The following SPATA31H1 variants were observed in gnomAD, a reference collection of about 807,000 sequenced individuals.
SPATA31H1 encodes the protein spermatogenesis-associated protein 31H1.
At chr2:27,553,923 A>C in the SPATA31H1 span, among the ~76,000 whole-genome samples, 1 of 149,830 alleles carries the variant, frequency 6.7e-6, no homozygotes, top group Non-Finnish European at 1.5e-5. Context: ...ACTCTGTCTC[A>C]AAAAAAAAGA....
the SPATA31H1 span, among the ~76,000 whole-genome samples, chr2:27,555,489 C>G: frequency 6.6e-6 from 1 of 151,560 alleles, no homozygotes; most frequent in African/African-American, 2.4e-5. Context: ...ATGGGAAACA[C>G]AGTAAGATCC....
At chr2:27,572,175 T>G in the SPATA31H1 span, 4,359 of 398,070 alleles carry the variant, frequency 0.011, 182 homozygotes, top group African/African-American at 0.082. Flanking sequence ...AGCTAAAGAG[T>G]TCAAACATGA....
chr2:27,566,795 C>T, the SPATA31H1 span: 1 of 717,790 alleles, frequency 1.4e-6, no homozygotes, highest in Non-Finnish European at 2.6e-6. Context: ...CCTCTACCAC[C>T]TCTGTTCTTG....
the SPATA31H1 span, chr2:27,571,837 A>C: frequency 2.5e-6 from 1 of 398,404 alleles, no homozygotes; most frequent in African/African-American, 2.1e-5. Flanking sequence ...CAGGCAGTAA[A>C]ATTTGTGAAT....
At chr2:27,577,997 G>A in the SPATA31H1 span, 1 of 1,614,120 alleles carries the variant, frequency 6.2e-7, no homozygotes, top group African/African-American at 1.3e-5. This position sits in a 1 kb window ranked among gnomAD's most constrained non-coding sequence, Gnocchi z 4.5. Context: ...TAGAATTTAT[G>A]AGGATTAGTC....
chr2:27,578,921 C>T, the SPATA31H1 span: 3 of 1,613,934 alleles, frequency 1.9e-6, no homozygotes, highest in Non-Finnish European at 1.7e-6. Flanking sequence ...CCTATATAGA[C>T]CCTACTATGA....
the SPATA31H1 span, chr2:27,565,244 A>G: frequency 1.5e-6 from 1 of 673,258 alleles, no homozygotes; most frequent in South Asian, 1.7e-5. Context: ...AGATGTATCA[A>G]TATCTGATAT....
At chr2:27,577,638 C>T in the SPATA31H1 span, 13 of 1,614,110 alleles carry the variant, frequency 8.1e-6, 1 homozygote, top group South Asian at 5.5e-5. The surrounding 1 kb of genome is among the most constrained non-coding windows in gnomAD (Gnocchi z 4.5). Context: ...TGGGTTAGGA[C>T]ATCGAGTTCC....
At chr2:27,574,579 G>A in the SPATA31H1 span, 2 of 398,328 alleles carry the variant, frequency 5.0e-6, no homozygotes, top group Non-Finnish European at 8.9e-6. Flanking sequence ...TCAGGGACAA[G>A]GCTTCAAAGT....
chr2:27,538,580 C>T, the SPATA31H1 span, among the ~76,000 whole-genome samples: 1 of 151,822 alleles, frequency 6.6e-6, no homozygotes, highest in Non-Finnish European at 1.5e-5. Context: ...GCCTGTAATC[C>T]CAGCACTTTG....
the SPATA31H1 span, among the ~76,000 whole-genome samples, chr2:27,564,431 A>G: frequency 6.6e-6 from 1 of 152,156 alleles, no homozygotes; most frequent in Non-Finnish European, 1.5e-5. Flanking sequence ...GAAGTATCAG[A>G]TGATTTTCTA....
the SPATA31H1 span, chr2:27,579,947 C>A: frequency 1.2e-6 from 2 of 1,614,186 alleles, no homozygotes; most frequent in Non-Finnish European, 1.7e-6. Context: ...TACAGTGTGG[C>A]CGATGTTCAG....
At chr2:27,580,486 C>A in the SPATA31H1 span, 12 of 1,614,014 alleles carry the variant, frequency 7.4e-6, no homozygotes, top group Admixed American at 1.7e-5. Context: ...AAGTTCTACA[C>A]AAACAGTAGA....
At chr2:27,578,761 G>C in the SPATA31H1 span, 6 of 1,613,968 alleles carry the variant, frequency 3.7e-6, 1 homozygote, top group Middle Eastern at 6.6e-4. Flanking sequence ...GACTTCTCTA[G>C]GTTCCTACAA....
the SPATA31H1 span, among the ~76,000 whole-genome samples, chr2:27,555,560 G>A: frequency 6.6e-6 from 1 of 151,772 alleles, no homozygotes; most frequent in Admixed American, 6.6e-5. Context: ...TGTAGTCCTA[G>A]CTACTCAGGA....
At chr2:27,580,504 TAG>T in the SPATA31H1 span, 9 of 1,614,044 alleles carry the variant, frequency 5.6e-6, no homozygotes, top group Non-Finnish European at 7.6e-6. Flanking sequence ...AGAACCACAA[TAG>T]AGAGTCCTTC....
the SPATA31H1 span, among the ~76,000 whole-genome samples, chr2:27,538,642 G>A: frequency 3.9e-5 from 6 of 152,050 alleles, no homozygotes; most frequent in Non-Finnish European, 7.4e-5. Context: ...GACCAGCCTG[G>A]CCAACATGGT....
chr2:27,549,297 T>C, the SPATA31H1 span, among the ~76,000 whole-genome samples: 1 of 151,824 alleles, frequency 6.6e-6, no homozygotes, highest in South Asian at 2.1e-4. Flanking sequence ...GCACATAATG[T>C]CTGGTTTGGT....
chr2:27,582,467 C>T, the SPATA31H1 span: 1 of 1,613,532 alleles, frequency 6.2e-7, no homozygotes, highest in Non-Finnish European at 8.5e-7. Flanking sequence ...CAACTCTCCT[C>T]GGGACCACAC....
Sources: gnomAD v4.1 joint callset for allele counts (sites outside exome capture counted in the v4.1 genomes callset) on GRCh38, gnomAD v4.1.1 for gene constraint, Gnocchi (gnomAD v3.1) non-coding constraint, MANE v1.5 for transcripts, NCBI Gene and HGNC (gene_info 2026-07-23, HGNC 2026-07-21) for gene names.